The following COX15 variants were observed in gnomAD, a reference collection of about 807,000 sequenced individuals.
The protein encoded by COX15 is cytochrome c oxidase assembly factor COX15, also known as heme A synthase COX15.
Under a neutral mutation model 51.9 loss-of-function variants are expected in COX15, and 51 were observed. That is an observed-to-expected ratio of 0.98 (90% CI 0.78 to 1.24). The LOEUF (loss-of-function observed/expected upper bound fraction) is 1.24, where lower values mean the gene tolerates loss of function less well. Among genes scored for constraint, COX15 ranks in the 50% most tolerant of loss-of-function variants. The pLI is 0.00. For missense variants in COX15, 420 were observed against 501.1 expected (o/e 0.84, Z 1.55); for synonymous variants, 188 against 190.5 (o/e 0.99, Z 0.11).
intron 8 of COX15, 121 bp from the exon 9 acceptor site, chr10:99,714,839 A>G (rs2036516575): frequency 6.6e-7 from 1 of 1,524,414 alleles, no homozygotes; most frequent in Non-Finnish European, 8.9e-7. Context: ...CTTAAAATAC[A>G]CACATTTTTA....
chr10:99,724,073 G>A lies in COX15; in HGVS notation c.633C>T (p.Asp211=), dbSNP rs2036866134. 2.5e-6 allele frequency: 4 copies of A among 1,614,104 alleles called. No homozygotes were observed. The highest frequency in any genetic ancestry group is 2.2e-5 in the East Asian group (1 of 44,876). ...MVKSGLEEKS[D]SHDIPRVSQY... ...GACTGACCCGAGGGATGTCATGGGAGTCTGATTTTTCTTCTAGTCCACTTT... is the reference window on the plus strand; with the variant it reads ...GACTGACCCGAGGGATGTCATGGGAATCTGATTTTTCTTCTAGTCCACTTT... Residue 211 remains aspartate (D), a synonymous_variant, in exon 5 of 9, where the codon GAC becomes GAT. Transcript: ENST00000016171.
chr10:99,726,784 G>A (rs1038955368), intron 4 of COX15, among the ~76,000 whole-genome samples, 184 bp downstream of exon 4: 5 of 151,722 alleles, frequency 3.3e-5, no homozygotes, highest in South Asian at 2.1e-4. Context: ...CTACCGAGAG[G>A]CTGAGGCAGG....
rs535269284 is a variant in COX15, at chr10:99,714,213, A to C, written c.*374T>G. ...GGAAGTGAAGTTAAGATCATAAAGAAATTCTATTTAGGCAGAATTAAGGAC... is the reference window on the plus strand; with the variant it reads ...GGAAGTGAAGTTAAGATCATAAAGACATTCTATTTAGGCAGAATTAAGGAC... On this transcript the variant is annotated 3_prime_UTR_variant, in exon 9 of 9. Transcript: ENST00000016171. 1 of 1,080,912 alleles carries C rather than the reference A, an allele frequency of 9.3e-7. No homozygotes were observed. The highest frequency in any genetic ancestry group is 1.7e-5 in the African/African-American group (1 of 60,342). 67.0% of individuals were successfully genotyped at this position (1,080,912 alleles called of 1,614,324 possible).
rs2036458852 is a variant in COX15 at position 99,713,317 on chromosome 10, T to C, written c.*1270A>G. On this transcript the variant is annotated 3_prime_UTR_variant, in exon 9 of 9. Transcript: ENST00000016171. ...TTAAATGAGTATGTTACATTTCTAA[T>C]CTGTTTAATTTCATCTCGATGGGGT... 1.3e-6 allele frequency: 2 copies of C among 1,595,838 alleles called. No homozygotes were observed. Among genetic ancestry groups the C allele is most frequent in the African/African-American group, 1.3e-5 (1 of 74,598 alleles).
chr10:99,710,936 TTGAAAATATTA>T lies in COX15; in HGVS notation c.*3640_*3650del, dbSNP rs1276495612. On this transcript the variant is annotated 3_prime_UTR_variant, in exon 9 of 9. Coordinates refer to ENST00000016171, the MANE Select transcript of COX15 (RefSeq NM_078470.6). ...AATGGACGTAAGTGCAGAGAGACCT[TTGAAAATATTA>T]AGGGAAATCTATTTAATCCTATAGG... is the stretch of plus-strand genomic sequence containing the variant. The T allele has an allele frequency of 1.0e-6, 1 of 985,256 alleles. No homozygotes were observed. The highest frequency in any genetic ancestry group is 1.2e-6 in the Non-Finnish European group (1 of 829,876). The allele number at this position is 985,256 out of a possible 1,614,324, so 61.0% of individuals were successfully genotyped here. A position where few individuals can be genotyped will look rare whatever the true frequency, so the allele number is the denominator to read the frequency against.
At chr10:99,710,713 G>A (rs114201692), downstream of COX15, 1,417 of 985,302 alleles carry the variant, frequency 1.4e-3, 18 homozygotes, top group African/African-American at 0.023. Flanking sequence ...GGACCACAAG[G>A]GTAGCTGTAG....
downstream of COX15, chr10:99,710,122 C>A (rs1161198190): frequency 1.0e-6 from 1 of 985,392 alleles, no homozygotes; most frequent in East Asian, 1.1e-4. Context: ...CACTTGTATA[C>A]CCTCTGGTGG....
chr10:99,719,189 A>G (rs112699458), intron 6 of COX15, among the ~76,000 whole-genome samples: 14 of 152,036 alleles, frequency 9.2e-5, no homozygotes, highest in Non-Finnish European at 2.1e-4. Flanking sequence ...ATCAAAGAAA[A>G]TCCAGAAATG....
chr10:99,699,797 C>T, the COX15 span, among the ~76,000 whole-genome samples: 966 of 152,238 alleles, frequency 6.3e-3, 10 homozygotes, highest in African/African-American at 0.022. Flanking sequence ...AACTCCTGGC[C>T]TCAGGTGATC....
At chr10:99,726,617 G>C (rs2036957990) in intron 4 of COX15, among the ~76,000 whole-genome samples, 1 of 152,132 alleles carries the variant, frequency 6.6e-6, no homozygotes, top group South Asian at 2.1e-4. Context: ...GCCGGGCGCA[G>C]TGGCTCACAC....
intron 6 of COX15, among the ~76,000 whole-genome samples, chr10:99,720,142 T>C (rs2036712549): frequency 1.3e-5 from 2 of 151,986 alleles, no homozygotes; most frequent in Admixed American, 1.3e-4. Flanking sequence ...GTGGTGGAAG[T>C]GTGGGTTAAA....
chr10:99,699,450 C>T, the COX15 span, among the ~76,000 whole-genome samples: 1 of 152,194 alleles, frequency 6.6e-6, no homozygotes, highest in African/African-American at 2.4e-5. Flanking sequence ...GGTACCTGGA[C>T]AGATGAAAGT....
intron 5 of COX15, among the ~76,000 whole-genome samples, chr10:99,723,289 T>C (rs2036840245): frequency 6.6e-6 from 1 of 152,020 alleles, no homozygotes; most frequent in Non-Finnish European, 1.5e-5. Flanking sequence ...ATTACAGGCA[T>C]GTGCCACCAT....
Position 99,713,040 on chromosome 10 carries a change from A to C in COX15, c.*1547T>G. Reference sequence around the variant, plus strand: ...GATCTCTTCTTCTGGATACACACTTAGTGGCCATCAATATCTTGCTTAAAT... The same window carrying C: ...GATCTCTTCTTCTGGATACACACTTCGTGGCCATCAATATCTTGCTTAAAT... On this transcript the variant is annotated 3_prime_UTR_variant, in exon 9 of 9. Transcript: ENST00000016171. 8.6e-7 allele frequency: 1 copy of C among 1,165,582 alleles called. No homozygotes were observed. Among genetic ancestry groups the C allele is most frequent in the Non-Finnish European group, 1.1e-6 (1 of 935,772 alleles). The allele number at this position is 1,165,582 out of a possible 1,614,324, so 72.2% of individuals were successfully genotyped here. A position where few individuals can be genotyped will look rare whatever the true frequency, so the allele number is the denominator to read the frequency against.
At chr10:99,697,219 A>G in the COX15 span, among the ~76,000 whole-genome samples, 1 of 152,214 alleles carries the variant, frequency 6.6e-6, no homozygotes, top group Non-Finnish European at 1.5e-5. Flanking sequence ...TGACTAATGC[A>G]TTAAAATCAA....
chr10:99,698,591 G>A, the COX15 span: 19 of 1,614,182 alleles, frequency 1.2e-5, no homozygotes, highest in African/African-American at 2.1e-4. Context: ...ATCCCTGCCT[G>A]CCAGTGGGAC....
the COX15 span, among the ~76,000 whole-genome samples, chr10:99,694,671 G>A: frequency 6.6e-5 from 10 of 151,790 alleles, no homozygotes; most frequent in Non-Finnish European, 1.5e-4. Flanking sequence ...TGAGTAGCTG[G>A]GATTACAGGC....
chr10:99,698,497 G>GTGAT, the COX15 span: 1 of 1,563,464 alleles, frequency 6.4e-7, no homozygotes, highest in Non-Finnish European at 8.8e-7. Flanking sequence ...CAGGCATGAC[G>GTGAT]TGTTTGTTTG....
At chr10:99,704,795 C>A in the COX15 span, 1 of 998,602 alleles carries the variant, frequency 1.0e-6, no homozygotes, top group Non-Finnish European at 1.5e-6. Flanking sequence ...TGGATATTTG[C>A]CCTTGGAATT....
Sources: allele counts gnomAD v4.1 joint callset (sites outside exome capture counted in the v4.1 genomes callset), GRCh38; gene constraint gnomAD v4.1.1; transcripts MANE v1.5; gene names NCBI Gene and HGNC (gene_info 2026-07-23, HGNC 2026-07-21).